Variants in CLDN20 observed in about 807,000 individuals in gnomAD.
CLDN20 encodes the protein claudin 20.
For missense variants in CLDN20, 258 were observed against 267.9 expected (o/e 0.96, Z 0.26); for synonymous variants, 104 against 103.6 (o/e 1.00, Z -0.03).
intron 1 of CLDN20, among the ~76,000 whole-genome samples, chr6:155,273,010 C>T (rs1476709811): frequency 1.3e-5 from 2 of 152,150 alleles, no homozygotes; most frequent in Non-Finnish European, 2.9e-5. Context: ...AGTGAGCAAG[C>T]AGATGCTGTT....
At chr6:155,271,207 T>C (rs1463475284) in intron 1 of CLDN20, among the ~76,000 whole-genome samples, 1 of 152,190 alleles carries the variant, frequency 6.6e-6, no homozygotes, top group Non-Finnish European at 1.5e-5. Flanking sequence ...AAAATTATCT[T>C]CTTTCTGTAT....
At chr6:155,269,384 C>T (rs12214833) in intron 1 of CLDN20, among the ~76,000 whole-genome samples, 19,049 of 143,016 alleles carry the variant, frequency 0.13, 1,510 homozygotes, top group Non-Finnish European at 0.19. Flanking sequence ...TGCTATGACA[C>T]GATCTTGGCT....
rs750105081 is a variant in CLDN20 at position 155,275,917 on chromosome 6, GA to G, written c.201del (p.Lys67AsnfsTer34). 7 of 1,614,020 alleles carry G rather than the reference GA, an allele frequency of 4.3e-6. No homozygotes were observed. In the Admixed American group the frequency reaches 8.3e-5, roughly 19 times the overall value. ...GCACTGGGATGTTCAGCTGTGCCCT[GA>G]AACACTCCATTCTGTCCCTCCCCAT... ...YSTGMFSCAL[K>X]HSILSLPIHV... On this transcript the variant is annotated frameshift_variant, in exon 2 of 2. Transcript: ENST00000367165. LOFTEE classifies it low-confidence loss of function (END_TRUNC).
At position 155,275,900 on chromosome 6, in the gene CLDN20, A is replaced by ATG; in HGVS notation, c.183_184dup (p.Phe62CysfsTer6). On this transcript the variant is annotated frameshift_variant, in exon 2 of 2. Transcript: ENST00000367165. LOFTEE classifies it low-confidence loss of function (END_TRUNC). Reference sequence around the variant, plus strand: ...GGACTGTACGTGGTACAGCACTGGGATGTTCAGCTGTGCCCTGAAACACTC... The same window carrying ATG: ...GGACTGTACGTGGTACAGCACTGGGATGTGTTCAGCTGTGCCCTGAAACACTC... 1 of 1,614,072 alleles carries ATG rather than the reference A, an allele frequency of 6.2e-7. No individual in the cohort carries two copies. The highest frequency in any genetic ancestry group is 8.5e-7 in the Non-Finnish European group (1 of 1,180,018).
intron 1 of CLDN20, among the ~76,000 whole-genome samples, chr6:155,265,876 G>T (rs1471388731): frequency 2.0e-5 from 3 of 151,400 alleles, no homozygotes; most frequent in Non-Finnish European, 2.9e-5. Flanking sequence ...AGCAAGGAGA[G>T]CCAGTCCAAG....
chr6:155,270,837 C>A (rs779272369), intron 1 of CLDN20, among the ~76,000 whole-genome samples: 1 of 152,124 alleles, frequency 6.6e-6, no homozygotes, highest in Non-Finnish European at 1.5e-5. Flanking sequence ...GACACTGCTG[C>A]GACTATTAGT....
At chr6:155,271,440 G>A (rs1178818071) in intron 1 of CLDN20, among the ~76,000 whole-genome samples, 4 of 152,130 alleles carry the variant, frequency 2.6e-5, no homozygotes, top group Non-Finnish European at 4.4e-5. Context: ...CTAAGTGGAA[G>A]CAATAACAAG....
rs200044619 is a variant in CLDN20 at position 155,276,437 on chromosome 6, T to TA, written c.*67dup. The TA allele has an allele frequency of 1.9e-3, 2,769 of 1,425,952 alleles. 37 individuals carry two copies. The African/African-American group carries it at 0.028, about 15-fold the overall frequency. The allele number at this position is 1,425,952 out of a possible 1,614,324, so 88.3% of individuals were successfully genotyped here. On this transcript the variant is annotated 3_prime_UTR_variant, in exon 2 of 2. Coordinates refer to ENST00000367165, the MANE Select transcript of CLDN20 (RefSeq NM_001001346.3). ...TGGGTGCCAAATGGGACTTTTAGAT[T>TA]AAAAAAAAATCAGAATTATGCTTAA...
chr6:155,269,280 C>G (rs770295240), intron 1 of CLDN20, among the ~76,000 whole-genome samples: 1 of 150,266 alleles, frequency 6.7e-6, no homozygotes, highest in Non-Finnish European at 1.5e-5. Context: ...TGGCCTTAGT[C>G]AAAAGTTACT....
At chr6:155,275,534 G>T in intron 1 of CLDN20, 82 bp from the exon 2 acceptor site, 1 of 613,714 alleles carries the variant, frequency 1.6e-6, no homozygotes, top group Non-Finnish European at 2.9e-6. Context: ...ACTCAGATGT[G>T]TTCTTGGCTC....
intron 1 of CLDN20, among the ~76,000 whole-genome samples, chr6:155,266,572 C>T (rs1227113100): frequency 3.9e-5 from 6 of 152,078 alleles, no homozygotes; most frequent in Non-Finnish European, 7.4e-5. Flanking sequence ...TGAGGCTGGG[C>T]GCTGTGGCTC....
chr6:155,272,997 A>G (rs1193671824), intron 1 of CLDN20, among the ~76,000 whole-genome samples: 1 of 152,212 alleles, frequency 6.6e-6, no homozygotes, highest in African/African-American at 2.4e-5. Context: ...AGGGAGAGAG[A>G]AAAGTGAGCA....
intron 1 of CLDN20, among the ~76,000 whole-genome samples, chr6:155,266,675 T>C (rs982224538): frequency 1.3e-4 from 19 of 151,636 alleles, no homozygotes; most frequent in Non-Finnish European, 2.2e-4. Flanking sequence ...TGAAACCCCG[T>C]CTCTACTAAA....
intron 1 of CLDN20, among the ~76,000 whole-genome samples, chr6:155,268,344 A>G (rs372360205): frequency 3.3e-5 from 5 of 152,208 alleles, no homozygotes; most frequent in African/African-American, 1.2e-4. Flanking sequence ...GTCAGCCACC[A>G]AAGTGTTTCC....
intron 1 of CLDN20, among the ~76,000 whole-genome samples, chr6:155,273,369 C>T (rs1048103701): frequency 3.3e-5 from 5 of 152,172 alleles, no homozygotes; most frequent in African/African-American, 1.2e-4. Context: ...CAGAACAGCA[C>T]AATCCAGATA....
chr6:155,271,525 GTTTTCTT>G (rs1485176521), intron 1 of CLDN20, among the ~76,000 whole-genome samples: 1 of 151,924 alleles, frequency 6.6e-6, no homozygotes, highest in African/African-American at 2.4e-5. Context: ...TTGTTGCTGG[GTTTTCTT>G]TTTTCTTTTA....
At chr6:155,272,941 T>TA (rs1785001615) in intron 1 of CLDN20, among the ~76,000 whole-genome samples, 1 of 152,118 alleles carries the variant, frequency 6.6e-6, no homozygotes, top group African/African-American at 2.4e-5. Context: ...AAGCTGAACA[T>TA]AGATTGACAA....
At chr6:155,266,870 A>AG (rs1784665341) in intron 1 of CLDN20, among the ~76,000 whole-genome samples, 1 of 144,688 alleles carries the variant, frequency 6.9e-6, no homozygotes, top group Non-Finnish European at 1.5e-5. Flanking sequence ...AAAAAAAAAA[A>AG]AAGAATGACC....
chr6:155,275,142 T>C (rs1052963403), intron 1 of CLDN20, among the ~76,000 whole-genome samples: 18 of 151,692 alleles, frequency 1.2e-4, no homozygotes, highest in African/African-American at 4.4e-4. Flanking sequence ...AGGAGAATGG[T>C]GTGAACCCAG....
Sources: gnomAD v4.1 joint callset for allele counts (sites outside exome capture counted in the v4.1 genomes callset) on GRCh38, gnomAD v4.1.1 for gene constraint, MANE v1.5 for transcripts, NCBI Gene and HGNC (gene_info 2026-07-23, HGNC 2026-07-21) for gene names.